WNK1: variants seen among roughly 807,000 people sequenced by gnomAD.
WNK1 encodes the protein serine/threonine-protein kinase WNK1.
A neutral mutation model predicts 222.8 loss-of-function variants in WNK1; 38 were observed. The ratio of observed to expected loss-of-function variants is 0.17; its 90% CI spans 0.13 to 0.22. The LOEUF is 0.22. WNK1 is among the 10% of genes least tolerant of loss of function. The pLI is 1.00. For synonymous variants in WNK1, 1,090 were observed against 1,092.9 expected (o/e 1.00, Z 0.05); for missense variants, 2,348 against 2,918.4 (o/e 0.80, Z 4.50).
Position 880,865 on chromosome 12 carries a change from A to G in WNK1, c.2977A>G (p.Thr993Ala), listed in dbSNP as rs1288514591. The change falls in exon 12 of 28, where the codon ACA becomes GCA. Residue 993 changes from threonine to alanine, a missense_variant. Transcript: ENST00000315939. ...ACTGGCTACACCTGGGTACTTTCCC[A>G]CAGTGGTGCAGCCTTATGTGGAATC... ...EVLATPGYFP[T>A]VVQPYVESNL... 1 of 1,613,960 alleles carries G rather than the reference A, an allele frequency of 6.2e-7. No individual in the cohort carries two copies. Among genetic ancestry groups the G allele is most frequent in the Non-Finnish European group, 8.5e-7 (1 of 1,179,958 alleles).
intron 1 of WNK1, among the ~76,000 whole-genome samples, chr12:773,172 C>T (rs1278926533): frequency 6.6e-6 from 1 of 152,042 alleles, no homozygotes; most frequent in Non-Finnish European, 1.5e-5. Context: ...GCAGGAGAAT[C>T]GCTTGAACCC....
chr12:790,501 G>C (rs1205552758), intron 1 of WNK1, among the ~76,000 whole-genome samples: 1 of 152,124 alleles, frequency 6.6e-6, no homozygotes, highest in Non-Finnish European at 1.5e-5. Context: ...TTGTCTATGG[G>C]TACTGTTGCT....
chr12:783,000 C>T lies in WNK1; in HGVS notation c.759+28676C>T, dbSNP rs963704838. 6.6e-5 allele frequency among the ~76,000 whole-genome samples: 10 copies of T among 151,822 alleles called. 1 individual carries two copies. The highest frequency in any genetic ancestry group is 1.0e-4 in the Non-Finnish European group (7 of 67,954). On this transcript the variant is annotated intron_variant, in intron 1 of 27. Coordinates refer to ENST00000315939, the MANE Select transcript of WNK1 (RefSeq NM_018979.4). ...CTCACTGCAGCTTCGAACTCCTGGG[C>T]TTAAGCGATCCTCCAGCCTTAGCTT...
At chr12:854,248 G>A (rs751599292) in intron 4 of WNK1, among the ~76,000 whole-genome samples, 3 of 151,408 alleles carry the variant, frequency 2.0e-5, no homozygotes, top group Admixed American at 6.6e-5. Flanking sequence ...CACACCTGTA[G>A]TCCCAGCTAC....
chr12:847,994 G>T (rs1950146062), intron 4 of WNK1, among the ~76,000 whole-genome samples: 1 of 151,840 alleles, frequency 6.6e-6, no homozygotes, highest in South Asian at 2.1e-4. Flanking sequence ...TTTTAGTAGA[G>T]ACGGGGTTTC....
intron 10 of WNK1, 89 bp from the exon 11 acceptor site, chr12:879,478 TGGCTAA>T: frequency 2.6e-6 from 2 of 781,974 alleles, no homozygotes; most frequent in South Asian, 1.9e-5. Context: ...TCCTTCTTTT[TGGCTAA>T]TACATAAATC....
chr12:801,325 T>G lies in WNK1; in HGVS notation c.760-12317T>G, dbSNP rs147889527. Among the ~76,000 whole-genome samples, 607 of 152,326 alleles carry G rather than the reference T, an allele frequency of 4.0e-3. 8 individuals carry two copies. Among genetic ancestry groups the G allele is most frequent in the African/African-American group, 0.014 (579 of 41,578 alleles). On this transcript the variant is annotated intron_variant, in intron 1 of 27. Transcript: ENST00000315939. ...TCACGTGTATCGCTCTTTGGTTGTT[T>G]GCTTAGCAGCGTTGAAAATTGAGGA...
chr12:818,937 GA>G (rs1201922525), intron 2 of WNK1, among the ~76,000 whole-genome samples: 1 of 152,188 alleles, frequency 6.6e-6, no homozygotes, highest in Non-Finnish European at 1.5e-5. Context: ...TATTTGTGCA[GA>G]AGTATTTTTT....
intron 1 of WNK1, among the ~76,000 whole-genome samples, chr12:798,667 T>A (rs1218614208): frequency 6.6e-6 from 1 of 152,138 alleles, no homozygotes; most frequent in Non-Finnish European, 1.5e-5. Flanking sequence ...ATAAATTATT[T>A]AAAAATCTAT....
chr12:844,587 C>G (rs1949883026), intron 4 of WNK1, among the ~76,000 whole-genome samples: 1 of 152,108 alleles, frequency 6.6e-6, no homozygotes, highest in Non-Finnish European at 1.5e-5. Context: ...TATTTTTCCT[C>G]TAAGCTATGA....
chr12:771,591 C>T (rs1455932016), intron 1 of WNK1, among the ~76,000 whole-genome samples: 3 of 152,020 alleles, frequency 2.0e-5, no homozygotes, highest in Non-Finnish European at 4.4e-5. Flanking sequence ...TATGCCACCA[C>T]GTCCAGCTAA....
intron 4 of WNK1, among the ~76,000 whole-genome samples, chr12:854,348 T>C (rs1344375643): frequency 8.6e-6 from 1 of 115,690 alleles, no homozygotes; most frequent in East Asian, 3.0e-4. Flanking sequence ...CAAGAACTTA[T>C]CATTATCTTT....
At position 896,221 on chromosome 12, in the gene WNK1, A is replaced by C. The variant is rs201995891; in HGVS notation, c.5734A>C (p.Ile1912Leu). The C allele has an allele frequency of 5.0e-5, 80 of 1,614,212 alleles. No individual in the cohort carries two copies. In the East Asian group the frequency reaches 5.8e-4, roughly 12 times the overall value. Residue 1912 changes from isoleucine (I) to leucine (L), a missense_variant, in exon 24 of 28, where the codon ATA becomes CTA. Ile to Leu is a conservative substitution (Grantham distance 5, BLOSUM62 2). This residue lies in a region of WNK1 where 1,144 missense variants were observed against 1,273.6 expected (regional missense o/e 0.90). Transcript: ENST00000315939. The stretch of plus-strand genomic sequence containing the variant: ...CTTGGTGAAACCAGAGCCGAATGGC[A>C]TAACCATCCCTGGTATCTCTTCAGA... ...STLVKPEPNG[I>L]TIPGISSDVP...
intron 1 of WNK1, among the ~76,000 whole-genome samples, chr12:797,864 G>C (rs1433609731): frequency 6.6e-6 from 1 of 150,624 alleles, no homozygotes; most frequent in Non-Finnish European, 1.5e-5. Flanking sequence ...CAGGATAATC[G>C]CTTGAACCCG....
Position 908,861 on chromosome 12 carries a change from G to GGGGGGGGGGGGGGGGGGGGGGGA in WNK1, c.*69_*70insGGGGGGGGGGGGGGGGGGGGGGA. The GGGGGGGGGGGGGGGGGGGGGGGA allele has an allele frequency of 2.0e-6, 1 of 491,846 alleles. No homozygotes were observed. The highest frequency in any genetic ancestry group is 4.1e-6 in the Non-Finnish European group (1 of 241,770). The allele number at this position is 491,846 out of a possible 1,614,324, so 30.5% of individuals were successfully genotyped here. On this transcript the variant is annotated 3_prime_UTR_variant, in exon 28 of 28. Coordinates refer to ENST00000315939, the MANE Select transcript of WNK1 (RefSeq NM_018979.4). Reference sequence around the variant, plus strand: ...ATGCTGAGGGGGTGGGTGGGGGTGGGAAGTAGCCTATATACTAACTACTAG... The same window carrying GGGGGGGGGGGGGGGGGGGGGGGA: ...ATGCTGAGGGGGTGGGTGGGGGTGGGGGGGGGGGGGGGGGGGGGGGGGAAAGTAGCCTATATACTAACTACTAG...
rs779292951 is a variant in WNK1, at chr12:884,817, C to G, written c.4013C>G (p.Pro1338Arg). 20 of 1,614,180 alleles carry G rather than the reference C, an allele frequency of 1.2e-5. No homozygotes were observed. Among genetic ancestry groups the G allele is most frequent in the Non-Finnish European group, 1.6e-5 (19 of 1,180,018 alleles). ...HTGPTFPVVP[P>R]FLSSIAGVPT... ...GGACCAACATTTCCAGTAGTACCTC[C>G]TTTCTTAAGTAGCATTGCTGGAGTC... Residue 1338 changes from proline (P) to arginine (R), a missense_variant, in exon 19 of 28, where the codon CCT becomes CGT. By Grantham distance (103) the Pro-to-Arg change is moderately radical. Around this residue, in one of 13 missense-constraint regions of WNK1, gnomAD observed 1,144 missense variants for 1,273.6 expected, o/e 0.90. Coordinates refer to ENST00000315939, the MANE Select transcript of WNK1 (RefSeq NM_018979.4). This position sits in a 1 kb window ranked among gnomAD's most constrained non-coding sequence, Gnocchi z 5.6.
rs771337280 is a variant in WNK1, at chr12:889,254, T to G, written c.5448+31T>G. On this transcript the variant is annotated intron_variant, in intron 21 of 27. Coordinates refer to ENST00000315939, the MANE Select transcript of WNK1 (RefSeq NM_018979.4). Reference sequence around the variant, plus strand: ...TTTTGAAAATCTTGATAAAATCTCCTCATAACCCTAATATATTATATGCCT... The same window carrying G: ...TTTTGAAAATCTTGATAAAATCTCCGCATAACCCTAATATATTATATGCCT... 3.2e-6 allele frequency: 5 copies of G among 1,560,172 alleles called. No individual in the cohort carries two copies. The East Asian group carries it at 1.1e-4, about 35-fold the overall frequency.
chr12:795,746 C>G (rs1945258558), intron 1 of WNK1, among the ~76,000 whole-genome samples: 1 of 152,168 alleles, frequency 6.6e-6, no homozygotes, highest in Admixed American at 6.5e-5. Flanking sequence ...TCTTGCTATA[C>G]AGTTTCTTGA....
chr12:851,796 T>C, intron 4 of WNK1: 1 of 1,334,914 alleles, frequency 7.5e-7, no homozygotes, highest in Non-Finnish European at 9.9e-7. Context: ...GGTAAGAATT[T>C]CCAGTATATG....
Sources: allele counts gnomAD v4.1 joint callset (sites outside exome capture counted in the v4.1 genomes callset), GRCh38; gene constraint gnomAD v4.1.1; regional missense constraint gnomAD v4.1.1; non-coding constraint Gnocchi (gnomAD v3.1); transcripts MANE v1.5; gene names NCBI Gene and HGNC (gene_info 2026-07-23, HGNC 2026-07-21).